The following DAB1 variants were observed in gnomAD, a reference collection of about 807,000 sequenced individuals.
DAB1 encodes the protein disabled homolog 1.
Under a neutral mutation model 64.6 loss-of-function variants are expected in DAB1, and 15 were observed. The observed-to-expected ratio is 0.23, with a 90% CI of 0.16 to 0.36. The LOEUF (loss-of-function observed/expected upper bound fraction) is 0.36, where lower values mean the gene tolerates loss of function less well. Among genes scored for constraint, DAB1 ranks in the 10% least tolerant of loss-of-function variants. DAB1 has a pLI of 1.00. For synonymous variants in DAB1, 235 were observed against 251.9 expected (o/e 0.93, Z 0.64); for missense variants, 596 against 706.7 (o/e 0.84, Z 1.78).
At chr1:57,646,171 C>A (rs925858183) in intron 7 of DAB1, among the ~76,000 whole-genome samples, 1 of 152,136 alleles carries the variant, frequency 6.6e-6, no homozygotes, top group Non-Finnish European at 1.5e-5. Flanking sequence ...TAAAACAATA[C>A]AATAAATGAA....
At chr1:57,311,161 G>A (rs532265997) in intron 1 of DAB1, among the ~76,000 whole-genome samples, 15 of 152,130 alleles carry the variant, frequency 9.9e-5, no homozygotes, top group East Asian at 1.9e-4. Flanking sequence ...GTCACCCAGC[G>A]TGAGAAGGGC....
At chr1:57,621,177 G>A (rs1487117186) in intron 7 of DAB1, among the ~76,000 whole-genome samples, 1 of 151,740 alleles carries the variant, frequency 6.6e-6, no homozygotes, top group Non-Finnish European at 1.5e-5. Flanking sequence ...GCTTGAGTGT[G>A]TGTGTGTGTA....
intron 7 of DAB1, among the ~76,000 whole-genome samples, chr1:57,578,266 C>A (rs2101546362): frequency 6.6e-6 from 1 of 152,300 alleles, no homozygotes; most frequent in Non-Finnish European, 1.5e-5. Flanking sequence ...TACCAGGCTT[C>A]TTTGGCATGA....
chr1:57,396,372 T>C (rs2101017818), intron 1 of DAB1, among the ~76,000 whole-genome samples: 1 of 152,316 alleles, frequency 6.6e-6, no homozygotes, highest in African/African-American at 2.4e-5. Context: ...TAAGCTGTTT[T>C]TTTGTTTTGT....
chr1:57,692,386 G>A (rs1646774883), intron 6 of DAB1, among the ~76,000 whole-genome samples: 1 of 152,066 alleles, frequency 6.6e-6, no homozygotes, highest in Non-Finnish European at 1.5e-5. Context: ...AGAGGAAAGA[G>A]AGAGAGAGGA....
chr1:58,490,163 G>A (rs571553145), intron 3 of DAB1, among the ~76,000 whole-genome samples: 1 of 152,246 alleles, frequency 6.6e-6, no homozygotes, highest in East Asian at 1.9e-4. Context: ...GAGGAAGTTC[G>A]AACCCATGGC....
chr1:57,991,569 C>A (rs777588493), intron 5 of DAB1, among the ~76,000 whole-genome samples: 3 of 152,016 alleles, frequency 2.0e-5, no homozygotes, highest in African/African-American at 4.8e-5. Context: ...AGCCCAAGAC[C>A]GGGCATGATG....
At chr1:57,698,947 A>AT (rs34032070) in intron 6 of DAB1, among the ~76,000 whole-genome samples, 1 of 152,096 alleles carries the variant, frequency 6.6e-6, no homozygotes, top group Non-Finnish European at 1.5e-5. Flanking sequence ...TACTTAATTA[A>AT]TTTTTTTAGA....
intron 6 of DAB1, among the ~76,000 whole-genome samples, chr1:57,793,791 T>G (rs1570595): frequency 0.65 from 99,275 of 152,054 alleles, 33,096 homozygotes; most frequent in African/African-American, 0.79. Context: ...ATGAGATAAT[T>G]GTTGTAAATC....
At chr1:57,783,085 TTCTCTCTC>T (rs71051259) in intron 6 of DAB1, among the ~76,000 whole-genome samples, 1 of 129,132 alleles carries the variant, frequency 7.7e-6, no homozygotes, top group East Asian at 2.4e-4. Context: ...CCTTCTTTCT[TTCTCTCTC>T]TCTCTCTCTT....
At chr1:58,381,558 G>A (rs1644389074) in intron 3 of DAB1, among the ~76,000 whole-genome samples, 1 of 152,164 alleles carries the variant, frequency 6.6e-6, no homozygotes, top group Admixed American at 6.5e-5. Context: ...AAGACTACTG[G>A]AGCCTCAAGT....
intron 1 of DAB1, among the ~76,000 whole-genome samples, chr1:57,868,838 T>C (rs74690346): frequency 0.029 from 4,407 of 152,214 alleles, 101 homozygotes; most frequent in East Asian, 0.13. Flanking sequence ...TGGTACCCAG[T>C]GCTTTCCTTT....
At chr1:57,411,533 T>C (rs1398011500) in intron 1 of DAB1, among the ~76,000 whole-genome samples, 1 of 152,226 alleles carries the variant, frequency 6.6e-6, no homozygotes, top group Admixed American at 6.5e-5. Context: ...CCAGCACCTG[T>C]TATTCACACT....
intron 5 of DAB1, among the ~76,000 whole-genome samples, chr1:57,989,848 G>A (rs1261063233): frequency 1.3e-5 from 2 of 152,120 alleles, no homozygotes; most frequent in African/African-American, 4.8e-5. Context: ...CAGCTCATTT[G>A]AATGAAAATA....
intron 9 of DAB1, among the ~76,000 whole-genome samples, chr1:57,060,893 A>G (rs1650318773): frequency 6.6e-6 from 1 of 151,848 alleles, no homozygotes; most frequent in Non-Finnish European, 1.5e-5. Context: ...GGCCAGAATC[A>G]TTAATAAATT....
At chr1:58,450,011 T>C (rs1645115050) in intron 3 of DAB1, among the ~76,000 whole-genome samples, 3 of 152,160 alleles carry the variant, frequency 2.0e-5, no homozygotes, top group African/African-American at 7.2e-5. Flanking sequence ...ATGAGGGATA[T>C]GTGAATGAGT....
intron 4 of DAB1, among the ~76,000 whole-genome samples, chr1:57,074,850 T>C (rs563680796): frequency 1.1e-4 from 16 of 152,314 alleles, no homozygotes; most frequent in African/African-American, 3.1e-4. Flanking sequence ...TAGGACCCAT[T>C]AATTTTTGTT....
chr1:57,944,725 AC>A (rs1199314396), intron 5 of DAB1, among the ~76,000 whole-genome samples: 4 of 152,134 alleles, frequency 2.6e-5, no homozygotes, highest in Non-Finnish European at 5.9e-5. Context: ...TTCCACATAC[AC>A]ACATATATAA....
chr1:57,417,804 A>C (rs1194539106), intron 1 of DAB1, among the ~76,000 whole-genome samples: 1 of 152,116 alleles, frequency 6.6e-6, no homozygotes, highest in Non-Finnish European at 1.5e-5. Flanking sequence ...GTTCTACATT[A>C]CCTCTGTACC....
Sources: allele counts gnomAD v4.1 joint callset (sites outside exome capture counted in the v4.1 genomes callset), GRCh38; gene constraint gnomAD v4.1.1; transcripts MANE v1.5; gene names NCBI Gene and HGNC (gene_info 2026-07-23, HGNC 2026-07-21).